Variants in ATP10D observed in about 807,000 individuals in gnomAD.
The protein encoded by ATP10D is phospholipid-transporting ATPase VD.
A neutral mutation model predicts 144.8 loss-of-function variants in ATP10D; 89 were observed. The ratio of observed to expected loss-of-function variants is 0.61; its 90% confidence interval spans 0.52 to 0.73. The LOEUF (loss-of-function observed/expected upper bound fraction) is 0.73. ATP10D is among the 30% of genes least tolerant of loss of function. The probability of loss-of-function intolerance (pLI) is 0.00; values close to 1 mark genes in which losing one functional copy is unlikely to be tolerated. For missense variants in ATP10D, 1,603 were observed against 1,714.8 expected (o/e 0.93, Z 1.15); for synonymous variants, 571 against 615.1 (o/e 0.93, Z 1.06).
chr4:47,504,512 C>T (rs116010323), intron 1 of ATP10D, among the ~76,000 whole-genome samples: 47 of 152,216 alleles, frequency 3.1e-4, no homozygotes, highest in African/African-American at 1.1e-3. Context: ...TTTATCAGGG[C>T]TCACTGTGCT....
chr4:47,591,000 T>A, intron 22 of ATP10D, 42 bp from the exon 23 acceptor site: 2 of 1,318,672 alleles, frequency 1.5e-6, no homozygotes, highest in Non-Finnish European at 2.1e-6. Context: ...CTGTAATGCA[T>A]TTGAGATGAA....
At chr4:47,527,783 C>T (rs1447401134) in intron 5 of ATP10D, among the ~76,000 whole-genome samples, 1 of 152,110 alleles carries the variant, frequency 6.6e-6, no homozygotes, top group Non-Finnish European at 1.5e-5. Context: ...TCATATGCTA[C>T]TGGTGGGAAT....
chr4:47,571,024 G>A (rs972151336), intron 16 of ATP10D, among the ~76,000 whole-genome samples: 2 of 151,844 alleles, frequency 1.3e-5, no homozygotes, highest in African/African-American at 4.8e-5. Flanking sequence ...CCTCAGGGTG[G>A]TGATGTAGCC....
intron 9 of ATP10D, among the ~76,000 whole-genome samples, chr4:47,541,920 G>A (rs936790633): frequency 2.6e-5 from 4 of 152,056 alleles, no homozygotes; most frequent in Admixed American, 1.3e-4. Flanking sequence ...GACTTTGTAA[G>A]TTTTTTCTTA....
Position 47,591,131 on chromosome 4 carries a change from C to T in ATP10D, c.4031C>T (p.Thr1344Ile). Residue 1344 changes from threonine to isoleucine, a missense_variant, in exon 23 of 23, where the codon ACT (threonine) becomes ATT (isoleucine). By Grantham distance (89) the Thr-to-Ile change is moderately conservative. Coordinates refer to ENST00000273859, the MANE Select transcript of ATP10D (RefSeq NM_020453.4). ...HFDRLTPEER[T>I]KALKKWRGAG... is the part of the protein sequence containing the mutation. ...GACAGACTAACTCCAGAGGAGAGGA[C>T]TAAAGCTCTCAAGAAGTGGAGAGGG... The T allele has an allele frequency of 6.2e-7, 1 of 1,613,430 alleles. No individual in the cohort carries two copies.
intron 11 of ATP10D, among the ~76,000 whole-genome samples, chr4:47,556,134 T>A (rs1718982957): frequency 6.6e-6 from 1 of 152,248 alleles, no homozygotes; most frequent in African/African-American, 2.4e-5. Flanking sequence ...AAAACTTGTT[T>A]AACGGGCTGG....
At chr4:47,570,314 G>A (rs1719885886) in intron 16 of ATP10D, among the ~76,000 whole-genome samples, 2 of 152,188 alleles carry the variant, frequency 1.3e-5, no homozygotes, top group Non-Finnish European at 2.9e-5. Context: ...CCAAAGTTAT[G>A]TCTAAGAACA....
chr4:47,486,105 AG>A (rs1466937191), intron 1 of ATP10D, among the ~76,000 whole-genome samples: 3 of 152,196 alleles, frequency 2.0e-5, no homozygotes, highest in African/African-American at 7.2e-5. Flanking sequence ...GCTACAAAGA[AG>A]CCCCCATGCT....
chr4:47,537,971 G>T (rs191899528), intron 9 of ATP10D, among the ~76,000 whole-genome samples: 1 of 151,960 alleles, frequency 6.6e-6, no homozygotes, highest in Admixed American at 6.6e-5. Flanking sequence ...TATGCATCTT[G>T]GTACATATAT....
chr4:47,548,740 A>G lies in ATP10D; in HGVS notation c.1635+1878A>G, dbSNP rs944561011. Among the ~76,000 whole-genome samples the G allele has an allele frequency of 6.6e-5, 10 of 152,190 alleles. No homozygotes were observed. In the East Asian group the frequency reaches 7.7e-4, roughly 12 times the overall value. On this transcript the variant is annotated intron_variant, in intron 10 of 22. Coordinates refer to ENST00000273859, the MANE Select transcript of ATP10D (RefSeq NM_020453.4). Reference sequence around the variant, plus strand: ...TGTTTTGCAAAACCATACCCCTAATATATAGAATAACTAGGTTATGGTCTT... The same window carrying G: ...TGTTTTGCAAAACCATACCCCTAATGTATAGAATAACTAGGTTATGGTCTT...
rs1248152509 is a variant in ATP10D, at chr4:47,572,907, C to T, written c.3276C>T (p.Phe1092=). Residue 1092 remains phenylalanine (F), a synonymous_variant, in exon 18 of 23, where the codon TTC becomes TTT. Transcript: ENST00000273859. ...CCAGTGACTTTGCCGTTTCTCAGTT[C>T]AAACATCTCAGCAAGCTCCTTCTTG... ...VMASDFAVSQ[F]KHLSKLLLVH... 2 of 1,614,112 alleles carry T rather than the reference C, an allele frequency of 1.2e-6. No homozygotes were observed. The highest frequency in any genetic ancestry group is 1.1e-5 in the South Asian group (1 of 91,080).
chr4:47,569,092 A>G lies in ATP10D; in HGVS notation c.3109A>G (p.Ser1037Gly), dbSNP rs202123877. The change falls in exon 16 of 23, where the codon AGT becomes GGT. Residue 1037 changes from serine to glycine, a missense_variant. Ser to Gly is a moderately conservative substitution (Grantham distance 56, BLOSUM62 0). Coordinates refer to ENST00000273859, the MANE Select transcript of ATP10D (RefSeq NM_020453.4). ...CTGCCGAGCCACACCGCTGCAGAAA[A>G]GTGAAGTGGTGAAATTGGTCCGCAG... ...VCCRATPLQK[S>G]EVVKLVRSHL... 80 of 1,614,040 alleles carry G rather than the reference A, an allele frequency of 5.0e-5. No homozygotes were observed. The highest frequency in any genetic ancestry group is 6.6e-5 in the Non-Finnish European group (78 of 1,180,028).
intron 5 of ATP10D, among the ~76,000 whole-genome samples, chr4:47,534,603 A>G (rs1307275986): frequency 6.6e-6 from 1 of 152,168 alleles, no homozygotes; most frequent in African/African-American, 2.4e-5. Context: ...TAAAGTTCCC[A>G]TCAGCCTTTT....
At chr4:47,520,630 G>A (rs1281650068) in intron 3 of ATP10D, among the ~76,000 whole-genome samples, 3 of 151,914 alleles carry the variant, frequency 2.0e-5, no homozygotes, top group Non-Finnish European at 4.4e-5. Flanking sequence ...GTGCAGTGGC[G>A]CAACCTTGGC....
chr4:47,572,983 T>G lies in ATP10D; in HGVS notation c.3352T>G (p.Phe1118Val). 1 of 1,614,134 alleles carries G rather than the reference T, an allele frequency of 6.2e-7. No individual in the cohort carries two copies. Among genetic ancestry groups the G allele is most frequent in the Non-Finnish European group, 8.5e-7 (1 of 1,179,992 alleles). Residue 1118 changes from phenylalanine (F) to valine (V), a missense_variant, in exon 18 of 23, where the codon TTC becomes GTC. Phe to Val is a conservative substitution (Grantham distance 50). Coordinates refer to ENST00000273859, the MANE Select transcript of ATP10D (RefSeq NM_020453.4). ...TRLSNMILYF[F>V]YKNVAYVNLL... The stretch of plus-strand genomic sequence containing the variant: ...GCTTTCCAACATGATTCTCTATTTT[T>G]TCTATAAGAATGTGGTATGTAACCC...
chr4:47,499,392 A>T (rs901029195), intron 1 of ATP10D, among the ~76,000 whole-genome samples: 3 of 152,166 alleles, frequency 2.0e-5, no homozygotes, highest in Non-Finnish European at 4.4e-5. Flanking sequence ...ATCTTGCTGA[A>T]TTTTTATCTT....
Position 47,523,037 on chromosome 4 carries a change from T to A in ATP10D, c.511T>A (p.Cys171Ser), listed in dbSNP as rs7683838. The change falls in exon 4 of 23, where the codon TGC becomes AGC. Residue 171 changes from cysteine to serine, a missense_variant. Coordinates refer to ENST00000273859, the MANE Select transcript of ATP10D (RefSeq NM_020453.4). ...GAAAGAGAAAAAATACATTGACCGA[T>A]GCTGGAAAGACGTTACTGTTGGGGA... is the stretch of plus-strand genomic sequence containing the variant. Reference protein sequence around the residue: ...SRKEKKYIDRCWKDVTVGDFI... With the variant: ...SRKEKKYIDRSWKDVTVGDFI... The A allele has an allele frequency of 3.7e-6, 6 of 1,613,156 alleles. No individual in the cohort carries two copies. Among genetic ancestry groups the A allele is most frequent in the East Asian group, 2.2e-5 (1 of 44,870 alleles).
chr4:47,576,365 T>A (rs1244426671), intron 18 of ATP10D, among the ~76,000 whole-genome samples: 1 of 152,008 alleles, frequency 6.6e-6, no homozygotes, highest in Non-Finnish European at 1.5e-5. Context: ...ATAGAGGGAG[T>A]TTTGTTTCAA....
intron 14 of ATP10D, among the ~76,000 whole-genome samples, 179 bp from the exon 15 acceptor site, chr4:47,563,402 T>C (rs1418420155): frequency 6.6e-6 from 1 of 152,166 alleles, no homozygotes; most frequent in Non-Finnish European, 1.5e-5. Context: ...TCCCAAAATA[T>C]TACATTGCAT....
Sources: allele counts gnomAD v4.1 joint callset (sites outside exome capture counted in the v4.1 genomes callset), GRCh38; gene constraint gnomAD v4.1.1; transcripts MANE v1.5; gene names NCBI Gene and HGNC (gene_info 2026-07-23, HGNC 2026-07-21).